Variants in ZNF816 observed in about 807,000 individuals in gnomAD.
ZNF816 encodes zinc finger protein 816A.
In ZNF816, 11 loss-of-function variants were observed where a neutral mutation model predicts 8.3. That is an observed-to-expected ratio of 1.32 (90% CI 0.83 to 2.19). ZNF816 has a LOEUF of 2.19. ZNF816 is among the 30% of genes most tolerant of loss of function. The pLI, the probability that ZNF816 is intolerant of heterozygous loss-of-function variation, is 0.00. For missense variants in ZNF816, 710 were observed against 779.3 expected (o/e 0.91, Z 1.06); for synonymous variants, 255 against 254.5 (o/e 1.00, Z -0.02).
At chr19:52,962,162 G>A (rs1480507128) in intron 1 of ZNF816, among the ~76,000 whole-genome samples, 2 of 151,946 alleles carry the variant, frequency 1.3e-5, no homozygotes, top group African/African-American at 2.4e-5. Flanking sequence ...GCCCCCGCTG[G>A]ACTATACTAG....
Position 52,950,768 on chromosome 19 carries a change from G to A in ZNF816, c.1007C>T (p.Thr336Ile). The change falls in exon 4 of 4, where the codon ACT becomes ATT. Residue 336 changes from threonine to isoleucine, a missense_variant. Coordinates refer to ENST00000444460, the MANE Select transcript of ZNF816 (RefSeq NM_001202457.3). ...SSLRCHRRLHTGEKPYKCNEC... is the reference protein window; with the variant it reads ...SSLRCHRRLHIGEKPYKCNEC... ...ATTACACTTGTAAGGTTTCTCTCCA[G>A]TATGAAGTCTACGATGGCATCTAAG... The A allele has an allele frequency of 6.2e-7, 1 of 1,613,714 alleles. No individual in the cohort carries two copies.
chr19:52,952,735 G>C lies in ZNF816; in HGVS notation c.190+16C>G. The stretch of plus-strand genomic sequence containing the variant: ...CAAGTGCAGATTCCTCATGTCTGGA[G>C]GGACATTTTCCTCACCCACAAACTC... On this transcript the variant is annotated intron_variant, in intron 3 of 3. Coordinates refer to ENST00000444460, the MANE Select transcript of ZNF816 (RefSeq NM_001202457.3). 6.2e-7 allele frequency: 1 copy of C among 1,613,440 alleles called. No homozygotes were observed. The highest frequency in any genetic ancestry group is 8.5e-7 in the Non-Finnish European group (1 of 1,179,972).
In ZNF816 at chr19:52,961,086, T is replaced by C. The variant is rs1184685124; in HGVS notation, c.-16+1641A>G. Among the ~76,000 whole-genome samples the C allele has an allele frequency of 7.2e-5, 11 of 152,242 alleles. 1 individual carries two copies. The highest frequency in any genetic ancestry group is 5.9e-4 in the Admixed American group (9 of 15,286). On this transcript the variant is annotated intron_variant, in intron 1 of 3. Coordinates refer to ENST00000444460, the MANE Select transcript of ZNF816 (RefSeq NM_001202457.3). ...TAAAACAATCTTTCTGTTCTATAGT[T>C]ATTATGAATGTACAGGCACGTTAAA...
chr19:52,950,305 A>G lies in ZNF816; in HGVS notation c.1470T>C (p.Phe490=), dbSNP rs1476991358. 3 of 1,613,408 alleles carry G rather than the reference A, an allele frequency of 1.9e-6. No homozygotes were observed. The highest frequency in any genetic ancestry group is 1.3e-5 in the African/African-American group (1 of 74,876). Residue 490 remains phenylalanine (F), a synonymous_variant, in exon 4 of 4, where the codon TTT becomes TTC. Transcript: ENST00000444460. ...GACGTGCAAGGTTTTCTCTTCGACT[A>G]AAAACCTTGCCACATTCATTACATG... is the stretch of plus-strand genomic sequence containing the variant. ...PYTCNECGKV[F]SRRENLARHH... is the part of the protein sequence containing the mutation.
Position 52,949,803 on chromosome 19 carries a change from G to A in ZNF816, c.*16C>T. ...TTGCAATGGTTGTAGCATTACTGAA[G>A]ACTTTGTGACAATCATTACATTTGT... On this transcript the variant is annotated 3_prime_UTR_variant, in exon 4 of 4. Transcript: ENST00000444460. 6.2e-7 allele frequency: 1 copy of A among 1,613,246 alleles called. No homozygotes were observed. Among genetic ancestry groups the A allele is most frequent in the Non-Finnish European group, 8.5e-7 (1 of 1,179,544 alleles).
rs776875740 is a variant in ZNF816 at position 52,956,071 on chromosome 19, T to C, written c.19A>G (p.Thr7Ala). The change falls in exon 2 of 4, where the codon ACC becomes GCC. Residue 7 changes from threonine to alanine, a missense_variant. Physicochemically the swap from Thr to Ala is moderately conservative, Grantham distance 58 (BLOSUM62 0). Transcript: ENST00000444460. MLREEA[T>A]KKSKEKEPGM... ...GGCTCCTTTTCTTTGCTCTTCTTGG[T>C]GGCTTCCTCACGTAACATGAGTCTT... The C allele has an allele frequency of 6.2e-7, 1 of 1,611,670 alleles. No homozygotes were observed. Among genetic ancestry groups the C allele is most frequent in the Non-Finnish European group, 8.5e-7 (1 of 1,179,402 alleles).
At chr19:52,961,149 C>T (rs898617589) in intron 1 of ZNF816, among the ~76,000 whole-genome samples, 1 of 152,154 alleles carries the variant, frequency 6.6e-6, no homozygotes, top group Non-Finnish European at 1.5e-5. Context: ...ATACAAGGTA[C>T]GTAGCCCAGG....
At chr19:52,959,716 A>G (rs2083540498) in intron 1 of ZNF816, among the ~76,000 whole-genome samples, 1 of 152,220 alleles carries the variant, frequency 6.6e-6, no homozygotes, top group African/African-American at 2.4e-5. Flanking sequence ...ACTCTGGAGA[A>G]AAAGACATAA....
chr19:52,955,709 A>G (rs188364316), intron 2 of ZNF816, among the ~76,000 whole-genome samples: 152 of 152,326 alleles, frequency 1.0e-3, no homozygotes, highest in African/African-American at 3.0e-3. Context: ...AGAGCTAAAC[A>G]TGCATCCAGA....
At chr19:52,962,125 C>T (rs2083561974) in intron 1 of ZNF816, among the ~76,000 whole-genome samples, 2 of 152,066 alleles carry the variant, frequency 1.3e-5, no homozygotes, top group South Asian at 4.2e-4. Context: ...TGCCTAGGCT[C>T]ATCCAGAATT....
intron 1 of ZNF816, chr19:52,956,320 C>T (rs185460031): frequency 1.2e-3 from 601 of 489,814 alleles, no homozygotes; most frequent in Middle Eastern, 9.0e-3. Flanking sequence ...TGGAAAAGTC[C>T]ACACACACGC....
chr19:52,958,150 C>T (rs984583969), intron 1 of ZNF816, among the ~76,000 whole-genome samples: 2 of 152,156 alleles, frequency 1.3e-5, no homozygotes, highest in Non-Finnish European at 2.9e-5. Flanking sequence ...GAATTACAGT[C>T]CCTTGTCAGT....
At chr19:52,952,045 A>G (rs1275555669) in intron 3 of ZNF816, among the ~76,000 whole-genome samples, 1 of 152,160 alleles carries the variant, frequency 6.6e-6, no homozygotes, top group East Asian at 1.9e-4. Flanking sequence ...TCACAGTGCT[A>G]GTGAGAGATG....
At chr19:52,955,931 G>A in intron 2 of ZNF816, 96 bp downstream of exon 2, 1 of 1,482,456 alleles carries the variant, frequency 6.7e-7, no homozygotes, top group African/African-American at 1.4e-5. Flanking sequence ...AACGTGTGAT[G>A]TAGAATGCTT....
chr19:52,952,906 C>T, intron 2 of ZNF816, 29 bp from the exon 3 acceptor site: 1 of 1,582,020 alleles, frequency 6.3e-7, no homozygotes, highest in Non-Finnish European at 8.6e-7. Flanking sequence ...TTCAACAAAA[C>T]ATTATGGAGG....
chr19:52,952,194 C>A (rs1391427407), intron 3 of ZNF816, among the ~76,000 whole-genome samples: 4 of 152,006 alleles, frequency 2.6e-5, no homozygotes, highest in Non-Finnish European at 5.9e-5. Context: ...CATGGTGATA[C>A]CCTATGTCTA....
rs770496056 is a variant in ZNF816, at chr19:52,962,859, A to G, written c.-148T>C. 1.3e-5 allele frequency: 2 copies of G among 152,732 alleles called. No homozygotes were observed. Among genetic ancestry groups the G allele is most frequent in the Admixed American group, 1.3e-4 (2 of 15,288 alleles). The allele number at this position is 152,732 out of a possible 1,614,324, so 9.5% of individuals were successfully genotyped here. A position where few individuals can be genotyped will look rare whatever the true frequency, so the allele number is the denominator to read the frequency against. On this transcript the variant is annotated 5_prime_UTR_variant, in exon 1 of 4. Transcript: ENST00000444460. Reference sequence around the variant, plus strand: ...CACGCCGCCGTGCAACTTTCAGTCCACGCCATCCGCTTCCGGGTCTGTGCC... The same window carrying G: ...CACGCCGCCGTGCAACTTTCAGTCCGCGCCATCCGCTTCCGGGTCTGTGCC...
chr19:52,953,262 A>G, intron 2 of ZNF816: 2 of 278,500 alleles, frequency 7.2e-6, no homozygotes, highest in South Asian at 2.9e-5. Context: ...GTGTGGTGGC[A>G]CACGCCTCTA....
intron 2 of ZNF816, among the ~76,000 whole-genome samples, chr19:52,955,204 CAA>C (rs1001215101): frequency 1.3e-5 from 2 of 150,632 alleles, no homozygotes; most frequent in East Asian, 3.9e-4. Flanking sequence ...AAACAAAAAA[CAA>C]AAAAAAAGTC....
Sources: allele counts gnomAD v4.1 joint callset (sites outside exome capture counted in the v4.1 genomes callset), GRCh38; gene constraint gnomAD v4.1.1; transcripts MANE v1.5; gene names NCBI Gene and HGNC (gene_info 2026-07-23, HGNC 2026-07-21).